MBD5: variants seen among roughly 807,000 people sequenced by gnomAD.
MBD5 encodes the protein methyl-CpG-binding domain protein 5.
In MBD5, 13 loss-of-function variants were observed where a neutral mutation model predicts 117.3. The ratio of observed to expected loss-of-function variants is 0.11; its 90% CI spans 0.07 to 0.18. The LOEUF is 0.18. MBD5 is among the 10% of genes least tolerant of loss of function. The probability of loss-of-function intolerance (pLI) is 1.00; values close to 1 mark genes in which losing one functional copy is unlikely to be tolerated. For missense variants in MBD5, 1,879 were observed against 2,093.8 expected (o/e 0.90, Z 2.00); for synonymous variants, 727 against 766.4 (o/e 0.95, Z 0.85).
chr2:148,060,695 T>A (rs1235211901), intron 1 of MBD5, among the ~76,000 whole-genome samples: 7 of 152,186 alleles, frequency 4.6e-5, no homozygotes, highest in African/African-American at 7.2e-5. Flanking sequence ...TTCCTTTTTT[T>A]ATAGTGATTG....
intron 2 of MBD5, among the ~76,000 whole-genome samples, chr2:148,213,299 A>G (rs962446535): frequency 3.9e-5 from 6 of 152,172 alleles, no homozygotes; most frequent in Non-Finnish European, 5.9e-5. Flanking sequence ...AGCTACAAAA[A>G]TTTGAGAAAC....
At chr2:148,243,299 C>G (rs991255490) in intron 3 of MBD5, among the ~76,000 whole-genome samples, 1 of 151,006 alleles carries the variant, frequency 6.6e-6, no homozygotes, top group African/African-American at 2.4e-5. Flanking sequence ...TTTCTGTAAT[C>G]ATAATAGTAG....
chr2:148,126,596 C>A (rs1390207490), intron 1 of MBD5, among the ~76,000 whole-genome samples: 2 of 152,042 alleles, frequency 1.3e-5, no homozygotes, highest in Admixed American at 6.5e-5. Flanking sequence ...AAAAACGAAG[C>A]AATCCTTGTT....
At chr2:148,393,942 G>A (rs77450095) in intron 4 of MBD5, among the ~76,000 whole-genome samples, 18,979 of 152,168 alleles carry the variant, frequency 0.12, 1,567 homozygotes, top group Non-Finnish European at 0.19. Context: ...TTGAAATTTT[G>A]AATTGAAAAG....
intron 7 of MBD5, among the ~76,000 whole-genome samples, chr2:148,467,157 A>G (rs1457100059): frequency 6.6e-6 from 1 of 152,158 alleles, no homozygotes; most frequent in Non-Finnish European, 1.5e-5. Context: ...TTTCCAACAC[A>G]GCTTTCTAAG....
chr2:148,292,557 A>T (rs942207047), intron 3 of MBD5, among the ~76,000 whole-genome samples: 1 of 152,172 alleles, frequency 6.6e-6, no homozygotes, highest in African/African-American at 2.4e-5. Context: ...TATCCAAAAG[A>T]TAGGTAATAA....
At chr2:148,417,856 T>C (rs1219656686) in intron 4 of MBD5, among the ~76,000 whole-genome samples, 2 of 151,908 alleles carry the variant, frequency 1.3e-5, no homozygotes, top group Non-Finnish European at 2.9e-5. Flanking sequence ...TTTGTTTGTT[T>C]TGAGACAGAG....
intron 2 of MBD5, among the ~76,000 whole-genome samples, chr2:148,227,146 T>C (rs900482333): frequency 1.3e-5 from 2 of 152,242 alleles, no homozygotes; most frequent in African/African-American, 4.8e-5. Flanking sequence ...TTTTGGCTTT[T>C]GTTGCCATTG....
chr2:148,416,650 A>G (rs1263221555), intron 4 of MBD5, among the ~76,000 whole-genome samples: 1 of 152,156 alleles, frequency 6.6e-6, no homozygotes, highest in Non-Finnish European at 1.5e-5. Context: ...CTCTAGGGGC[A>G]CAAGTTGTTT....
At chr2:148,475,180 C>T (rs1448415946) in intron 8 of MBD5, among the ~76,000 whole-genome samples, 3 of 152,164 alleles carry the variant, frequency 2.0e-5, no homozygotes, top group African/African-American at 7.2e-5. Flanking sequence ...TTAAATGCTT[C>T]GATTTTATCC....
At chr2:148,176,407 C>CTTT (rs1195471654) in intron 1 of MBD5, among the ~76,000 whole-genome samples, 10 of 128,880 alleles carry the variant, frequency 7.8e-5, no homozygotes, top group African/African-American at 3.0e-4. Context: ...AATTTTCTTG[C>CTTT]TTTTTTTTTT....
chr2:148,444,434 C>G (rs554338466), intron 4 of MBD5, among the ~76,000 whole-genome samples: 1 of 151,424 alleles, frequency 6.6e-6, no homozygotes, highest in South Asian at 2.1e-4. Context: ...GTATCCACAT[C>G]TTCTTTGGAA....
intron 4 of MBD5, among the ~76,000 whole-genome samples, chr2:148,375,547 A>G (rs1574349991): frequency 6.6e-6 from 1 of 152,144 alleles, no homozygotes; most frequent in African/African-American, 2.4e-5. Context: ...TTCAAATCAT[A>G]TTCTGTGGAT....
intron 9 of MBD5, chr2:148,485,130 C>A (rs1681295556): frequency 6.6e-6 from 1 of 151,872 alleles, no homozygotes; most frequent in Admixed American, 6.6e-5. Flanking sequence ...ATTATTAATC[C>A]TACTGATTAT....
chr2:148,038,048 C>A (rs1326081575), intron 1 of MBD5, among the ~76,000 whole-genome samples: 2 of 151,818 alleles, frequency 1.3e-5, no homozygotes, highest in Non-Finnish European at 2.9e-5. Flanking sequence ...GAGAAAGAGA[C>A]CCAGAAAAGG....
intron 1 of MBD5, among the ~76,000 whole-genome samples, chr2:148,059,381 C>T (rs1026903444): frequency 6.6e-6 from 1 of 152,044 alleles, no homozygotes; most frequent in Admixed American, 6.5e-5. Flanking sequence ...AAGAATTTTC[C>T]TGTCCTATTG....
In MBD5 at chr2:148,247,690, T is replaced by C. The variant is rs573146898; in HGVS notation, c.-680+14295T>C. The stretch of plus-strand genomic sequence containing the variant: ...CTTTTCCTTGGGGTTATGTGGAGGG[T>C]GGGATGGGGGCTACAACTGTTCACT... On this transcript the variant is annotated intron_variant, in intron 3 of 13. Coordinates refer to ENST00000642680, the MANE Select transcript of MBD5 (RefSeq NM_001378120.1). Among the ~76,000 whole-genome samples the C allele has an allele frequency of 8.5e-5, 13 of 152,118 alleles. No homozygotes were observed. The South Asian group carries it at 2.1e-3, about 24-fold the overall frequency.
chr2:148,490,863 A>G, intron 11 of MBD5: 1 of 475,178 alleles, frequency 2.1e-6, no homozygotes, highest in Non-Finnish European at 3.8e-6. Context: ...TCCAGAATTT[A>G]GTCAACTCTG....
rs757838806 is a variant in MBD5, at chr2:148,483,418, C to G, written c.2827C>G (p.Gln943Glu). Residue 943 changes from glutamine to glutamate, a missense_variant, in exon 9 of 14, where the codon CAG (glutamine) becomes GAG (glutamate). Around this residue, in one of 4 missense-constraint regions of MBD5, gnomAD observed 1,666 missense variants for 1,792.2 expected, o/e 0.93. Coordinates refer to ENST00000642680, the MANE Select transcript of MBD5 (RefSeq NM_001378120.1). ...LLNQNLLNIL[Q>E]PSAGEGKSEI... ...AAACCAGAATCTATTAAATATCCTC[C>G]AGCCTTCAGCAGGAGAAGGCAAGTC... 6.2e-7 allele frequency: 1 copy of G among 1,614,014 alleles called. No homozygotes were observed. Among genetic ancestry groups the G allele is most frequent in the Non-Finnish European group, 8.5e-7 (1 of 1,179,902 alleles).
Sources: allele counts gnomAD v4.1 joint callset (sites outside exome capture counted in the v4.1 genomes callset), GRCh38; gene constraint gnomAD v4.1.1; regional missense constraint gnomAD v4.1.1; transcripts MANE v1.5; gene names NCBI Gene and HGNC (gene_info 2026-07-23, HGNC 2026-07-21).